Variants in PCDH15 observed in about 807,000 individuals in gnomAD.
PCDH15 encodes protocadherin related 15.
A neutral mutation model predicts 178.5 loss-of-function variants in PCDH15; 129 were observed. That is an observed-to-expected ratio of 0.72 (90% CI 0.63 to 0.84). The LOEUF is 0.84. Among genes scored for constraint, PCDH15 ranks in the 40% least tolerant of loss-of-function variants. The pLI is 0.00. For missense variants in PCDH15, 2,230 were observed against 2,099.9 expected (o/e 1.06, Z -1.21); for synonymous variants, 800 against 732.0 (o/e 1.09, Z -1.50).
intron 9 of PCDH15, among the ~76,000 whole-genome samples, chr10:54,223,269 C>A (rs967223686): frequency 2.2e-5 from 3 of 134,388 alleles, no homozygotes; most frequent in African/African-American, 8.9e-5. Context: ...GAGATTGTGC[C>A]GTTGCACTCC....
intron 2 of PCDH15, among the ~76,000 whole-genome samples, chr10:55,125,194 T>C (rs1352660236): frequency 2.7e-5 from 4 of 150,798 alleles, no homozygotes; most frequent in Admixed American, 6.6e-5. Flanking sequence ...TGTGTGTGTG[T>C]AAGTTTAACA....
In PCDH15 at chr10:54,174,702, C is replaced by CTTTTTTTTTTTTTTTTTTTT. The variant is rs1169302544; in HGVS notation, c.1590+8722_1590+8741dup. ...CTTCTTTCTTTTTTCTTTTTCTTTT[C>CTTTTTTTTTTTTTTTTTTTT]TTTTTTTTTTTTTTTTTTTTTGAGA... On this transcript the variant is annotated intron_variant, in intron 13 of 37. Coordinates refer to ENST00000644397, the MANE Select transcript of PCDH15 (RefSeq NM_001384140.1). 1.1e-3 allele frequency among the ~76,000 whole-genome samples: 93 copies of CTTTTTTTTTTTTTTTTTTTT among 84,042 alleles called. 2 individuals carry two copies. The highest frequency in any genetic ancestry group is 1.5e-3 in the African/African-American group (31 of 20,164). 55.1% of individuals were successfully genotyped at this position (84,042 alleles called of 152,430 possible). A position where few individuals can be genotyped will look rare whatever the true frequency, so the allele number is the denominator to read the frequency against.
In PCDH15 at chr10:54,118,955, G is replaced by A. The variant is rs570215955; in HGVS notation, c.1917+13920C>T. ...GAAAACACCAGCAAACAGCTCCCAC[G>A]ATGGTGTCCAGTTGATAAAAAGAAA... On this transcript the variant is annotated intron_variant, in intron 15 of 37. Transcript: ENST00000644397. 7.2e-5 allele frequency among the ~76,000 whole-genome samples: 11 copies of A among 152,144 alleles called. No homozygotes were observed. In the East Asian group the frequency reaches 1.9e-3, roughly 27 times the overall value.
intron 2 of PCDH15, among the ~76,000 whole-genome samples, chr10:55,408,156 T>C (rs1183804140): frequency 1.3e-5 from 2 of 151,770 alleles, no homozygotes; most frequent in Non-Finnish European, 2.9e-5. Context: ...CTAACTCATG[T>C]TATGACTAAA....
chr10:54,047,389 A>C, intron 18 of PCDH15, among the ~76,000 whole-genome samples: 1 of 143,464 alleles, frequency 7.0e-6, no homozygotes, highest in Non-Finnish European at 1.5e-5. Flanking sequence ...GGTGATAATC[A>C]CTTTTTTTTT....
rs182091970 is a variant in PCDH15 at position 53,809,577 on chromosome 10, C to T, written c.4671+979G>A. ...AATTGTGAAAATGCAATTGAAGTGT[C>T]AGCTTGGAGATAGCTATGGTATGAC... On this transcript the variant is annotated intron_variant, in intron 37 of 37. Coordinates refer to ENST00000644397, the MANE Select transcript of PCDH15 (RefSeq NM_001384140.1). 2.1e-5 allele frequency: 33 copies of T among 1,594,826 alleles called. No homozygotes were observed. The African/African-American group carries it at 3.2e-4, about 16-fold the overall frequency.
At chr10:55,056,513 C>T (rs916339742) in intron 2 of PCDH15, among the ~76,000 whole-genome samples, 1 of 103,866 alleles carries the variant, frequency 9.6e-6, no homozygotes, top group African/African-American at 4.3e-5. Flanking sequence ...TTCTTGACTT[C>T]AAAATCTAAG....
chr10:54,674,957 C>CTATG (rs927884654), intron 1 of PCDH15, among the ~76,000 whole-genome samples: 3 of 152,020 alleles, frequency 2.0e-5, no homozygotes, highest in African/African-American at 7.2e-5. Flanking sequence ...CTCACAAAGA[C>CTATG]TATGCTTCAC....
At chr10:54,513,995 G>T (rs930173177) in intron 3 of PCDH15, among the ~76,000 whole-genome samples, 1 of 152,168 alleles carries the variant, frequency 6.6e-6, no homozygotes, top group Non-Finnish European at 1.5e-5. Flanking sequence ...CTTCTCCCTA[G>T]AGCATGGCTT....
chr10:54,380,643 G>GTGTATATATATA (rs1355235834), intron 3 of PCDH15, among the ~76,000 whole-genome samples: 1 of 15,294 alleles, frequency 6.5e-5, no homozygotes, highest in African/African-American at 2.1e-4. Flanking sequence ...GTGTATGCAT[G>GTGTATATATATA]TATATATATA....
chr10:53,871,124 G>C (rs1048336742), intron 26 of PCDH15, among the ~76,000 whole-genome samples: 12 of 151,428 alleles, frequency 7.9e-5, no homozygotes, highest in Non-Finnish European at 1.3e-4. Context: ...ACAAGGTCAG[G>C]AGATGGAGAC....
At chr10:55,156,444 T>G (rs2132107486) in intron 2 of PCDH15, among the ~76,000 whole-genome samples, 1 of 152,200 alleles carries the variant, frequency 6.6e-6, no homozygotes, top group Non-Finnish European at 1.5e-5. Context: ...AGTTGCTGAT[T>G]TTTGACCAAT....
chr10:54,611,855 A>T (rs2092970597), intron 2 of PCDH15, among the ~76,000 whole-genome samples: 1 of 151,944 alleles, frequency 6.6e-6, no homozygotes, highest in Non-Finnish European at 1.5e-5. Flanking sequence ...ACACTTTCTG[A>T]GAGAATGAAG....
At chr10:53,870,005 A>T (rs1371252261) in intron 26 of PCDH15, among the ~76,000 whole-genome samples, 1 of 152,200 alleles carries the variant, frequency 6.6e-6, no homozygotes, top group Non-Finnish European at 1.5e-5. Flanking sequence ...TAAAATAAAT[A>T]CTGTATAACA....
At chr10:54,888,548 G>A (rs943791495) in intron 3 of PCDH15, among the ~76,000 whole-genome samples, 1 of 151,650 alleles carries the variant, frequency 6.6e-6, no homozygotes, top group Admixed American at 6.6e-5. Flanking sequence ...TTTATTTTAG[G>A]TAAATACTTA....
chr10:55,126,554 A>G (rs1215499262), intron 2 of PCDH15, among the ~76,000 whole-genome samples: 1 of 152,112 alleles, frequency 6.6e-6, no homozygotes, highest in Non-Finnish European at 1.5e-5. Context: ...GTTAGAAAAT[A>G]GAAGATAGGA....
chr10:54,381,505 A>G (rs774334811), intron 3 of PCDH15, among the ~76,000 whole-genome samples: 3 of 152,100 alleles, frequency 2.0e-5, no homozygotes, highest in Non-Finnish European at 4.4e-5. Context: ...AATGTGTTTC[A>G]TTTGATGTTT....
chr10:54,955,945 C>T (rs184871716), intron 2 of PCDH15, among the ~76,000 whole-genome samples: 30 of 151,458 alleles, frequency 2.0e-4, no homozygotes, highest in Middle Eastern at 3.4e-3. Flanking sequence ...TGAAATTCAG[C>T]ATTTCATTAT....
chr10:54,559,547 C>T (rs973495729), intron 2 of PCDH15, among the ~76,000 whole-genome samples: 7 of 151,966 alleles, frequency 4.6e-5, no homozygotes, highest in Non-Finnish European at 8.8e-5. Context: ...TGAAGATAAA[C>T]AACTACTGAG....
Sources: gnomAD v4.1 joint callset for allele counts (sites outside exome capture counted in the v4.1 genomes callset) on GRCh38, gnomAD v4.1.1 for gene constraint, MANE v1.5 for transcripts, NCBI Gene and HGNC (gene_info 2026-07-23, HGNC 2026-07-21) for gene names.